Variants in SLA observed in about 807,000 individuals in gnomAD.
SLA encodes Src like adaptor, also known as src-like-adapter.
A neutral mutation model predicts 30.3 loss-of-function variants in SLA; 16 were observed. The ratio of observed to expected loss-of-function variants is 0.53; its 90% CI spans 0.36 to 0.80. The LOEUF (loss-of-function observed/expected upper bound fraction) is 0.80. SLA is among the 30% of genes least tolerant of loss of function. The probability of loss-of-function intolerance (pLI) is 0.01; values close to 1 mark genes in which losing one functional copy is unlikely to be tolerated. For missense variants in SLA, 310 were observed against 345.2 expected (o/e 0.90, Z 0.81); for synonymous variants, 143 against 137.8 (o/e 1.04, Z -0.26).
chr8:133,052,432 G>T (rs1353868979), intron 3 of SLA, among the ~76,000 whole-genome samples: 1 of 152,226 alleles, frequency 6.6e-6, no homozygotes, highest in East Asian at 1.9e-4. Context: ...TATGGAAAGG[G>T]ATCAGGGCTT....
rs1449150088 is a variant in SLA at position 133,077,193 on chromosome 8, A to G, written c.-318-2063T>C. ...GCAGAAGGGACTGCTGGTTTCACAC[A>G]AGCTTTAAAAGTTTTTGGGAAAGAC... On this transcript the variant is annotated intron_variant, in intron 1 of 8. Coordinates refer to ENST00000338087, the MANE Select transcript of SLA (RefSeq NM_001045556.3). 3.3e-5 allele frequency among the ~76,000 whole-genome samples: 5 copies of G among 152,194 alleles called. No individual in the cohort carries two copies. The South Asian group carries it at 8.3e-4, about 25-fold the overall frequency.
chr8:133,071,978 C>T (rs536868043), intron 2 of SLA, among the ~76,000 whole-genome samples: 10 of 152,164 alleles, frequency 6.6e-5, no homozygotes, highest in Non-Finnish European at 1.2e-4. Flanking sequence ...ATATAAACTG[C>T]CTGGCACAGT....
At chr8:133,084,786 G>C (rs1846275639) in intron 1 of SLA, among the ~76,000 whole-genome samples, 1 of 152,256 alleles carries the variant, frequency 6.6e-6, no homozygotes. Flanking sequence ...TCCACACTGT[G>C]CCTCCACAGG....
At chr8:133,097,532 C>G (rs1000263) in intron 1 of SLA, among the ~76,000 whole-genome samples, 70,759 of 152,054 alleles carry the variant, frequency 0.47, 16,688 homozygotes, top group Middle Eastern at 0.49. Context: ...AGTGATGCCT[C>G]TGACACATTG....
chr8:133,055,363 G>GCACACA lies in SLA; in HGVS notation c.62-4449_62-4448insTGTGTG, dbSNP rs1219639810. 7.9e-3 allele frequency among the ~76,000 whole-genome samples: 253 copies of GCACACA among 31,998 alleles called. 1 individual carries two copies. Among genetic ancestry groups the GCACACA allele is most frequent in the East Asian group, 0.029 (61 of 2,120 alleles). 21.0% of individuals were successfully genotyped at this position (31,998 alleles called of 152,430 possible). A position where few individuals can be genotyped will look rare whatever the true frequency, so the allele number is the denominator to read the frequency against. On this transcript the variant is annotated intron_variant, in intron 3 of 8. Transcript: ENST00000338087. ...ATCTTCAGGACACACACACGCACGC[G>GCACACA]CGCACACACACACACACACACACAC...
At chr8:133,039,632 G>T (rs1345364519) in intron 8 of SLA, among the ~76,000 whole-genome samples, 1 of 152,168 alleles carries the variant, frequency 6.6e-6, no homozygotes, top group Non-Finnish European at 1.5e-5. Context: ...TTGTGAGTGG[G>T]TTTTAAATAA....
chr8:133,074,423 C>T (rs1362329535), intron 2 of SLA, among the ~76,000 whole-genome samples: 7 of 152,156 alleles, frequency 4.6e-5, no homozygotes, highest in Non-Finnish European at 1.0e-4. Context: ...ATGTCAATTT[C>T]TTCACTTTGC....
chr8:133,059,239 G>T (rs775365369), intron 3 of SLA: 3 of 432,104 alleles, frequency 6.9e-6, no homozygotes, highest in South Asian at 4.9e-5. Flanking sequence ...CATGTAAGGT[G>T]GGAAGCAGAA....
At chr8:133,044,788 T>A (rs181627072) in intron 7 of SLA, among the ~76,000 whole-genome samples, 196 bp downstream of exon 7, 1 of 152,346 alleles carries the variant, frequency 6.6e-6, no homozygotes, top group East Asian at 1.9e-4. Context: ...TTAGCTGCAT[T>A]TGACTTATTA....
chr8:133,065,541 C>T (rs61663588), intron 2 of SLA, among the ~76,000 whole-genome samples: 5,422 of 152,222 alleles, frequency 0.036, 231 homozygotes, highest in African/African-American at 0.099. Context: ...GCAGGTGGAT[C>T]ACGTCAGGTC....
chr8:133,102,458 C>T, intron 1 of SLA, 95 bp downstream of exon 1: 1 of 1,095,274 alleles, frequency 9.1e-7, no homozygotes, highest in Non-Finnish European at 1.4e-6. Context: ...GTACAGGATC[C>T]ATCAAGTCCC....
chr8:133,044,610 T>C (rs1838956207), intron 7 of SLA, among the ~76,000 whole-genome samples: 1 of 152,020 alleles, frequency 6.6e-6, no homozygotes, highest in Admixed American at 6.5e-5. Flanking sequence ...TGAAGGCCAA[T>C]GAGGATTCTG....
intron 1 of SLA, among the ~76,000 whole-genome samples, chr8:133,093,742 C>A (rs1847954012): frequency 6.6e-6 from 1 of 152,206 alleles, no homozygotes; most frequent in Non-Finnish European, 1.5e-5. Flanking sequence ...GTGCCACCAC[C>A]TTTCATCAGG....
At chr8:133,088,157 C>G (rs1033017291) in intron 1 of SLA, among the ~76,000 whole-genome samples, 3 of 152,324 alleles carry the variant, frequency 2.0e-5, no homozygotes, top group Non-Finnish European at 2.9e-5. Context: ...GGGATAGACT[C>G]TCCCTTGTCT....
Position 133,047,900 on chromosome 8 carries a change from G to C in SLA, c.282C>G (p.Ala94=), listed in dbSNP as rs1277867361. 1.9e-6 allele frequency: 3 copies of C among 1,612,292 alleles called. No individual in the cohort carries two copies. The highest frequency in any genetic ancestry group is 1.3e-5 in the African/African-American group (1 of 74,914). The change falls in exon 6 of 9, where the codon GCC becomes GCG. Residue 94 remains alanine (A), a synonymous_variant. Coordinates refer to ENST00000338087, the MANE Select transcript of SLA (RefSeq NM_001045556.3). ...TGTCTGGCAGCTGCAGCAGCTCCTC[G>C]GCCTTGTCTCTGCCCAGGCCCTCAA... ...WLFEGLGRDK[A]EELLQLPDTK... is the part of the protein sequence containing the mutation.
chr8:133,046,148 G>T (rs1005069640), intron 6 of SLA, among the ~76,000 whole-genome samples: 4 of 152,340 alleles, frequency 2.6e-5, no homozygotes, highest in Admixed American at 2.0e-4. Context: ...TGTAGGCCAT[G>T]TTTCAGGGTC....
At chr8:133,056,336 A>C (rs770317509) in intron 3 of SLA, among the ~76,000 whole-genome samples, 1 of 152,214 alleles carries the variant, frequency 6.6e-6, no homozygotes, top group Non-Finnish European at 1.5e-5. Flanking sequence ...TTAGATTCAA[A>C]TAGAAAAAAG....
chr8:133,037,433 T>C lies in SLA; in HGVS notation c.*1091A>G, dbSNP rs1587825467. 1 of 152,180 alleles carries C rather than the reference T, an allele frequency of 6.6e-6. No homozygotes were observed. The highest frequency in any genetic ancestry group is 2.1e-4 in the South Asian group (1 of 4,828). The allele number at this position is 152,180 out of a possible 1,614,324, so 9.4% of individuals were successfully genotyped here. A position where few individuals can be genotyped will look rare whatever the true frequency, so the allele number is the denominator to read the frequency against. On this transcript the variant is annotated 3_prime_UTR_variant, in exon 9 of 9. Coordinates refer to ENST00000338087, the MANE Select transcript of SLA (RefSeq NM_001045556.3). ...CTTTAGACTGTATCCATTTCTTTTC[T>C]AAAAAATCCAGCTATTCTTACCTAC... is the stretch of plus-strand genomic sequence containing the variant.
intron 7 of SLA, among the ~76,000 whole-genome samples, chr8:133,040,870 C>T (rs565891784): frequency 6.6e-6 from 1 of 152,212 alleles, no homozygotes; most frequent in Non-Finnish European, 1.5e-5. Context: ...CTCTTTCACT[C>T]TAGAAGCTCA....
Sources: gnomAD v4.1 joint callset for allele counts (sites outside exome capture counted in the v4.1 genomes callset) on GRCh38, gnomAD v4.1.1 for gene constraint, MANE v1.5 for transcripts, NCBI Gene and HGNC (gene_info 2026-07-23, HGNC 2026-07-21) for gene names.